Variants in BAHCC1 observed in about 807,000 individuals in gnomAD.
BAHCC1 encodes the protein BAH and coiled-coil domain-containing protein 1.
Under a neutral mutation model 88.2 loss-of-function variants are expected in BAHCC1, and 43 were observed. That is an observed-to-expected ratio of 0.49 (90% CI 0.38 to 0.63). The LOEUF (loss-of-function observed/expected upper bound fraction) is 0.63. Among genes scored for constraint, BAHCC1 ranks in the 20% least tolerant of loss-of-function variants. The pLI is 0.00. For missense variants in BAHCC1, 3,023 were observed against 1,654.8 expected (o/e 1.83, Z -14.34); for synonymous variants, 1,510 against 745.5 (o/e 2.03, Z -16.71).
intron 1 of BAHCC1, chr17:81,396,044 C>G (rs908437842): frequency 6.6e-6 from 1 of 152,256 alleles, no homozygotes; most frequent in Admixed American, 6.5e-5. Flanking sequence ...GTCCGGGCGC[C>G]GCCAGCGTGC....
chr17:81,429,570 T>C (rs1478081367), intron 3 of BAHCC1, among the ~76,000 whole-genome samples: 1 of 152,086 alleles, frequency 6.6e-6, no homozygotes, highest in Non-Finnish European at 1.5e-5. Flanking sequence ...GCGCCGGGCC[T>C]GTTTCTCTGC....
intron 11 of BAHCC1, among the ~76,000 whole-genome samples, chr17:81,448,740 G>A (rs9901265): frequency 0.34 from 52,440 of 152,062 alleles, 9,306 homozygotes; most frequent in Admixed American, 0.37. Flanking sequence ...TGGCCCGCAC[G>A]CGGCAGGGGT....
At chr17:81,459,463 C>A in intron 22 of BAHCC1, 33 bp from the exon 23 acceptor site, 4 of 777,580 alleles carry the variant, frequency 5.1e-6, no homozygotes, top group Non-Finnish European at 7.2e-6. Flanking sequence ...CCAGGCCCCA[C>A]CTGCTCATGG....
At chr17:81,425,889 G>T (rs1325209306) in intron 2 of BAHCC1, among the ~76,000 whole-genome samples, 12 of 147,642 alleles carry the variant, frequency 8.1e-5, no homozygotes, top group African/African-American at 3.1e-4. Context: ...TGGTGGTGAT[G>T]TGGTTGGTGG....
intron 5 of BAHCC1, 41 bp from the exon 6 acceptor site, chr17:81,443,768 C>A (rs781832491): frequency 5.7e-6 from 4 of 702,284 alleles, no homozygotes; most frequent in East Asian, 2.7e-5. Flanking sequence ...GCTCCCTGGC[C>A]GCCCCAACCC....
At position 81,461,552 on chromosome 17, in the gene BAHCC1, G is replaced by A. The variant is rs782706687; in HGVS notation, c.6889G>A (p.Glu2297Lys). 9 of 725,576 alleles carry A rather than the reference G, an allele frequency of 1.2e-5. No individual in the cohort carries two copies. The highest frequency in any genetic ancestry group is 2.6e-5 in the East Asian group (1 of 38,182). The allele number at this position is 725,576 out of a possible 1,614,324, so 44.9% of individuals were successfully genotyped here. A position where few individuals can be genotyped will look rare whatever the true frequency, so the allele number is the denominator to read the frequency against. Reference protein sequence around the residue: ...DCHSSFSDEDEDGPGLAAGVP... With the variant: ...DCHSSFSDEDKDGPGLAAGVP... ...CCACAGCTCCTTCTCGGACGAGGAC[G>A]AGGACGGGCCGGGGCTGGCGGCCGG... Residue 2297 changes from glutamate to lysine, a missense_variant, in exon 26 of 28, where the codon GAG (glutamate) becomes AAG (lysine). Physicochemically the swap from Glu to Lys is moderately conservative, Grantham distance 56. Transcript: ENST00000675386.
chr17:81,463,046 C>A, intron 27 of BAHCC1, 70 bp downstream of exon 27: 1 of 717,398 alleles, frequency 1.4e-6, no homozygotes. Flanking sequence ...CAGCAGCCAG[C>A]ACTGTGCCCC....
Position 81,458,734 on chromosome 17 carries a change from C to T in BAHCC1, c.5448+9C>T, listed in dbSNP as rs1298353283. ...ACAAGGCCGGCAAGCAGGTAGCAGC[C>T]CCCCACTCTGGGAGCCCACTGTGCA... On this transcript the variant is annotated intron_variant, in intron 19 of 27. Coordinates refer to ENST00000675386, the MANE Select transcript of BAHCC1 (RefSeq NM_001377448.1). 4.1e-6 allele frequency: 3 copies of T among 737,676 alleles called. No individual in the cohort carries two copies. Among genetic ancestry groups the T allele is most frequent in the Non-Finnish European group, 7.6e-6 (3 of 396,932 alleles). The allele number at this position is 737,676 out of a possible 1,614,324, so 45.7% of individuals were successfully genotyped here. A position where few individuals can be genotyped will look rare whatever the true frequency, so the allele number is the denominator to read the frequency against.
At position 81,442,036 on chromosome 17, in the gene BAHCC1, G is replaced by A. The variant is rs782546611; in HGVS notation, c.687G>A (p.Ala229=). The A allele has an allele frequency of 2.1e-5, 15 of 719,948 alleles. No individual in the cohort carries two copies. Among genetic ancestry groups the A allele is most frequent in the Middle Eastern group, 2.4e-4 (1 of 4,202 alleles). The allele number at this position is 719,948 out of a possible 1,614,324, so 44.6% of individuals were successfully genotyped here. A position where few individuals can be genotyped will look rare whatever the true frequency, so the allele number is the denominator to read the frequency against. The change falls in exon 5 of 28, where the codon GCG becomes GCA. Residue 229 remains alanine (A), a synonymous_variant. Coordinates refer to ENST00000675386, the MANE Select transcript of BAHCC1 (RefSeq NM_001377448.1). ...GCAAAGAGCTGGGCAGAGAGAAGGC[G>A]GGCAAGGCCGCTGAGGGCAAGGAGC... is the stretch of plus-strand genomic sequence containing the variant. ...LVGKELGREK[A]GKAAEGKERP... is the part of the protein sequence containing the mutation.
chr17:81,425,521 G>A (rs1252652842), intron 2 of BAHCC1, among the ~76,000 whole-genome samples: 4 of 129,752 alleles, frequency 3.1e-5, no homozygotes. Flanking sequence ...GATAGTGGTG[G>A]GTGATGTGGT....
At chr17:81,412,084 G>A (rs546318343) in intron 2 of BAHCC1, among the ~76,000 whole-genome samples, 14 of 152,332 alleles carry the variant, frequency 9.2e-5, no homozygotes, top group East Asian at 1.9e-4. Context: ...GTCCCTGGCC[G>A]GTGAGCTGGC....
chr17:81,449,315 C>T (rs939235193), intron 11 of BAHCC1, among the ~76,000 whole-genome samples: 2 of 152,060 alleles, frequency 1.3e-5, no homozygotes, highest in African/African-American at 4.8e-5. Flanking sequence ...CCCTTGTCCC[C>T]GTTAATGGGC....
rs2030258671 is a variant in BAHCC1 at position 81,461,431 on chromosome 17, G to A, written c.6768G>A (p.Lys2256=). 2 of 733,534 alleles carry A rather than the reference G, an allele frequency of 2.7e-6. No individual in the cohort carries two copies. The highest frequency in any genetic ancestry group is 1.8e-5 in the Admixed American group (1 of 54,730). The allele number at this position is 733,534 out of a possible 1,614,324, so 45.4% of individuals were successfully genotyped here. The change falls in exon 26 of 28, where the codon AAG becomes AAA. Residue 2256 remains lysine (K), a synonymous_variant. Coordinates refer to ENST00000675386, the MANE Select transcript of BAHCC1 (RefSeq NM_001377448.1). The part of the protein sequence containing the change: ...YVHPALVGKD[K]KGRAPIPPLP... The stretch of plus-strand genomic sequence containing the variant: ...ACCCGGCCCTTGTGGGCAAGGACAA[G>A]AAGGGGCGGGCACCCATCCCCCCGC...
chr17:81,462,117 T>TGCCCTTCCC, intron 26 of BAHCC1, 71 bp downstream of exon 26: 1 of 654,524 alleles, frequency 1.5e-6, no homozygotes. Flanking sequence ...GCGCCCCTGC[T>TGCCCTTCCC]GCCCTTCCCT....
rs1555658299 is a variant in BAHCC1, at chr17:81,458,855, G to A, written c.5491G>A (p.Val1831Met). 8 of 771,818 alleles carry A rather than the reference G, an allele frequency of 1.0e-5. No homozygotes were observed. Among genetic ancestry groups the A allele is most frequent in the South Asian group, 2.7e-5 (2 of 74,104 alleles). 47.8% of individuals were successfully genotyped at this position (771,818 alleles called of 1,614,324 possible). A position where few individuals can be genotyped will look rare whatever the true frequency, so the allele number is the denominator to read the frequency against. The change falls in exon 20 of 28, where the codon GTG (valine) becomes ATG (methionine). Residue 1831 changes from valine (V) to methionine (M), a missense_variant. Coordinates refer to ENST00000675386, the MANE Select transcript of BAHCC1 (RefSeq NM_001377448.1). ...AVSRLLESFAVEEDFEFDDNS... is the reference protein window; with the variant it reads ...AVSRLLESFAMEEDFEFDDNS... ...GAGCCGCCTGCTGGAAAGCTTCGCC[G>A]TGGAGGAAGACTTTGAGTTCGACGA...
intron 4 of BAHCC1, 121 bp from the exon 5 acceptor site, chr17:81,441,710 G>T (rs1212456514): frequency 5.1e-5 from 24 of 470,784 alleles, no homozygotes; most frequent in Non-Finnish European, 8.4e-5. Flanking sequence ...CCTTCCCTAG[G>T]CTGTAACCTG....
intron 3 of BAHCC1, among the ~76,000 whole-genome samples, chr17:81,436,333 G>A (rs913557768): frequency 1.4e-4 from 21 of 152,288 alleles, no homozygotes; most frequent in African/African-American, 3.8e-4. Context: ...AGAGGGGACC[G>A]GCGGGAAGGA....
intron 13 of BAHCC1, among the ~76,000 whole-genome samples, 195 bp downstream of exon 13, chr17:81,452,302 C>T (rs555738983): frequency 1.2e-4 from 19 of 152,240 alleles, no homozygotes; most frequent in Admixed American, 1.1e-3. Context: ...CGGCCAGCAG[C>T]GAGACCAAGT....
chr17:81,435,565 G>T lies in BAHCC1; in HGVS notation c.359-2805G>T. On this transcript the variant is annotated intron_variant, in intron 3 of 27. Coordinates refer to ENST00000675386, the MANE Select transcript of BAHCC1 (RefSeq NM_001377448.1). This position sits in a 1 kb window ranked among gnomAD's most constrained non-coding sequence, Gnocchi z 4.4. ...TCTCAAAGGGGTCTGGGAAGGGGAG[G>T]TTCTGGAGCCCCGACGTTCTAGCAG... The T allele has an allele frequency of 2.2e-6, 1 of 457,922 alleles. No individual in the cohort carries two copies. The highest frequency in any genetic ancestry group is 7.1e-5 in the East Asian group (1 of 14,162). The allele number at this position is 457,922 out of a possible 1,614,324, so 28.4% of individuals were successfully genotyped here. A position where few individuals can be genotyped will look rare whatever the true frequency, so the allele number is the denominator to read the frequency against.
Sources: gnomAD v4.1 joint callset for allele counts (sites outside exome capture counted in the v4.1 genomes callset) on GRCh38, gnomAD v4.1.1 for gene constraint, Gnocchi (gnomAD v3.1) non-coding constraint, MANE v1.5 for transcripts, NCBI Gene and HGNC (gene_info 2026-07-23, HGNC 2026-07-21) for gene names.